Variants in CAMKMT observed in about 807,000 individuals in gnomAD.
The protein encoded by CAMKMT is CaM KMT.
Under a neutral mutation model 48.0 loss-of-function variants are expected in CAMKMT, and 53 were observed. That is an observed-to-expected ratio of 1.10 (90% CI 0.89 to 1.39). The LOEUF (loss-of-function observed/expected upper bound fraction) is 1.39, where lower values mean the gene tolerates loss of function less well. Ranked by LOEUF, CAMKMT falls within the 40% of genes most tolerant of loss-of-function variation. The pLI, the probability that CAMKMT is intolerant of heterozygous loss-of-function variation, is 0.00. For missense variants in CAMKMT, 428 were observed against 402.7 expected (o/e 1.06, Z -0.54); for synonymous variants, 165 against 152.3 (o/e 1.08, Z -0.61).
At chr2:44,477,673 C>T (rs906561906) in intron 3 of CAMKMT, among the ~76,000 whole-genome samples, 3 of 152,264 alleles carry the variant, frequency 2.0e-5, no homozygotes, top group Non-Finnish European at 2.9e-5. Flanking sequence ...GCTGCCATTT[C>T]TTAACTATGA....
intron 3 of CAMKMT, among the ~76,000 whole-genome samples, chr2:44,596,043 G>C (rs1381781811): frequency 2.0e-5 from 3 of 151,826 alleles, no homozygotes; most frequent in African/African-American, 7.2e-5. Flanking sequence ...GTAGATGATG[G>C]GTTGATGGGT....
intron 3 of CAMKMT, among the ~76,000 whole-genome samples, chr2:44,620,293 T>G (rs560391670): frequency 2.6e-5 from 4 of 152,248 alleles, no homozygotes; most frequent in Non-Finnish European, 5.9e-5. Context: ...CTCCTTTTCG[T>G]CTTGCCCAGC....
At chr2:44,439,840 A>G (rs950215344) in intron 3 of CAMKMT, among the ~76,000 whole-genome samples, 1 of 152,006 alleles carries the variant, frequency 6.6e-6, no homozygotes, top group African/African-American at 2.4e-5. Flanking sequence ...AAATGCCGAT[A>G]TGCTGGGAGG....
Position 44,522,600 on chromosome 2 carries a change from G to A in CAMKMT, c.376+132295G>A, listed in dbSNP as rs373100721. Among the ~76,000 whole-genome samples the A allele has an allele frequency of 1.9e-4, 29 of 152,250 alleles. No individual in the cohort carries two copies. In the East Asian group the frequency reaches 3.3e-3, roughly 17 times the overall value. On this transcript the variant is annotated intron_variant, in intron 3 of 10. Transcript: ENST00000378494. Reference sequence around the variant, plus strand: ...ATAATGCATTACCTTAAATCATTCTGGGGTCATTGAGGGTTTTACAGCCAC... The same window carrying A: ...ATAATGCATTACCTTAAATCATTCTAGGGTCATTGAGGGTTTTACAGCCAC...
At chr2:44,555,666 A>G (rs113093966) in intron 3 of CAMKMT, among the ~76,000 whole-genome samples, 3 of 152,162 alleles carry the variant, frequency 2.0e-5, no homozygotes, top group Admixed American at 6.6e-5. Context: ...AAGAAAGAAT[A>G]TAATAGAATT....
intron 7 of CAMKMT, among the ~76,000 whole-genome samples, chr2:44,727,508 C>A (rs941165105): frequency 6.6e-6 from 1 of 152,090 alleles, no homozygotes; most frequent in Admixed American, 6.5e-5. Context: ...ATTCTAGGAG[C>A]CTTTTGGCAG....
intron 9 of CAMKMT, among the ~76,000 whole-genome samples, chr2:44,759,458 TA>T (rs1055844131): frequency 6.6e-6 from 1 of 152,066 alleles, no homozygotes; most frequent in Non-Finnish European, 1.5e-5. Flanking sequence ...TCTTTTTTTT[TA>T]AAAAAAGTCT....
At chr2:44,467,687 A>G (rs578078289) in intron 3 of CAMKMT, among the ~76,000 whole-genome samples, 1 of 152,350 alleles carries the variant, frequency 6.6e-6, no homozygotes, top group Admixed American at 6.5e-5. Context: ...TACAGAACCA[A>G]GAAATAAGTT....
At chr2:44,627,558 A>T (rs1430893299) in intron 3 of CAMKMT, among the ~76,000 whole-genome samples, 13 of 152,084 alleles carry the variant, frequency 8.5e-5, no homozygotes, top group Admixed American at 7.9e-4. Flanking sequence ...GATTCAATTA[A>T]ATAGACATAG....
At chr2:44,365,310 T>G (rs970719098) in intron 1 of CAMKMT, among the ~76,000 whole-genome samples, 7 of 152,214 alleles carry the variant, frequency 4.6e-5, no homozygotes, top group African/African-American at 1.2e-4. Flanking sequence ...ATTTTCTGTG[T>G]TTTGTAATTA....
intron 9 of CAMKMT, among the ~76,000 whole-genome samples, chr2:44,765,008 A>G (rs1399942250): frequency 6.6e-6 from 1 of 152,132 alleles, no homozygotes; most frequent in Non-Finnish European, 1.5e-5. Context: ...GGACCACCTG[A>G]GGTCAGGAGT....
intron 3 of CAMKMT, among the ~76,000 whole-genome samples, chr2:44,478,675 T>A (rs1021231146): frequency 6.6e-6 from 1 of 150,650 alleles, no homozygotes; most frequent in Admixed American, 6.7e-5. Flanking sequence ...TAAAAAGATA[T>A]AAAAGTTAAT....
At chr2:44,558,047 A>T (rs1213200279) in intron 3 of CAMKMT, among the ~76,000 whole-genome samples, 1 of 28,462 alleles carries the variant, frequency 3.5e-5, no homozygotes. Flanking sequence ...TCATTCATTC[A>T]TTCATTCATT....
At chr2:44,434,087 T>A (rs904962956) in intron 3 of CAMKMT, among the ~76,000 whole-genome samples, 4 of 152,182 alleles carry the variant, frequency 2.6e-5, no homozygotes, top group African/African-American at 7.2e-5. Context: ...TGTCCACACG[T>A]ATTTCACAAA....
intron 6 of CAMKMT, among the ~76,000 whole-genome samples, chr2:44,710,670 C>T (rs1189661835): frequency 6.6e-6 from 1 of 151,904 alleles, no homozygotes; most frequent in African/African-American, 2.4e-5. Context: ...CTTCAACTGC[C>T]CACATATAAT....
chr2:44,759,144 G>A (rs1312687613), intron 9 of CAMKMT, among the ~76,000 whole-genome samples: 4 of 152,118 alleles, frequency 2.6e-5, no homozygotes, highest in African/African-American at 9.7e-5. Flanking sequence ...TTGGGGGGGA[G>A]GACAGGGTCT....
intron 3 of CAMKMT, among the ~76,000 whole-genome samples, chr2:44,690,931 G>A (rs1345582269): frequency 4.6e-5 from 7 of 151,782 alleles, no homozygotes; most frequent in East Asian, 1.9e-4. Context: ...AGCCGAGATC[G>A]CCCCACTGCA....
chr2:44,373,443 T>C (rs896289634), intron 2 of CAMKMT, among the ~76,000 whole-genome samples: 1 of 152,222 alleles, frequency 6.6e-6, no homozygotes, highest in Non-Finnish European at 1.5e-5. Flanking sequence ...AATAACAAGA[T>C]ACCATTTTAC....
intron 3 of CAMKMT, among the ~76,000 whole-genome samples, chr2:44,473,578 C>G (rs1668532418): frequency 6.6e-6 from 1 of 152,060 alleles, no homozygotes; most frequent in Non-Finnish European, 1.5e-5. Flanking sequence ...ATGTAATAAC[C>G]AACTCTGGAC....
Sources: allele counts gnomAD v4.1 joint callset (sites outside exome capture counted in the v4.1 genomes callset), GRCh38; gene constraint gnomAD v4.1.1; transcripts MANE v1.5; gene names NCBI Gene and HGNC (gene_info 2026-07-23, HGNC 2026-07-21).